Variants in MECOM observed in about 807,000 individuals in gnomAD.
MECOM encodes the protein histone-lysine N-methyltransferase MECOM.
Under a neutral mutation model 116.3 loss-of-function variants are expected in MECOM, and 13 were observed. The ratio of observed to expected loss-of-function variants is 0.11; its 90% CI spans 0.07 to 0.18. The LOEUF (loss-of-function observed/expected upper bound fraction) is 0.18. Among genes scored for constraint, MECOM ranks in the 10% least tolerant of loss-of-function variants. The pLI, the probability that MECOM is intolerant of heterozygous loss-of-function variation, is 1.00. For missense variants in MECOM, 1,299 were observed against 1,509.0 expected (o/e 0.86, Z 2.31); for synonymous variants, 528 against 535.2 (o/e 0.99, Z 0.19).
chr3:169,105,400 G>A (rs529580503), intron 10 of MECOM, among the ~76,000 whole-genome samples: 11 of 152,242 alleles, frequency 7.2e-5, no homozygotes, highest in South Asian at 2.1e-4. Flanking sequence ...TCTGAGTCAC[G>A]TGATGTTCCT....
chr3:169,237,546 C>T (rs1577428913), intron 2 of MECOM, among the ~76,000 whole-genome samples: 1 of 147,052 alleles, frequency 6.8e-6, no homozygotes, highest in Middle Eastern at 3.6e-3. Flanking sequence ...TCCCTCCCTA[C>T]TAGAATGCAT....
In MECOM at chr3:169,261,817, C is replaced by T. The variant is rs184986205; in HGVS notation, c.376-117985G>A. ...ATGTCAGTGATACAGTGCCCGTGGT[C>T]CTAACCACTTGCTGGGCAGTGCCCA... is the stretch of plus-strand genomic sequence containing the variant. On this transcript the variant is annotated intron_variant, in intron 2 of 16. Transcript: ENST00000651503. Among the ~76,000 whole-genome samples, 169 of 152,342 alleles carry T rather than the reference C, an allele frequency of 1.1e-3. 3 individuals are homozygous for T. The highest frequency in any genetic ancestry group is 3.9e-3 in the African/African-American group (161 of 41,580).
At chr3:169,460,789 C>A (rs1219477852) in intron 1 of MECOM, among the ~76,000 whole-genome samples, 1 of 151,918 alleles carries the variant, frequency 6.6e-6, no homozygotes, top group East Asian at 1.9e-4. Flanking sequence ...GTCAAGAGTG[C>A]AAAGAGGAAA....
rs149161481 is a variant in MECOM, at chr3:169,474,639, C to T, written c.38-93115G>A. Reference sequence around the variant, plus strand: ...TGTTAAAAGCAGGGTTTGAGGTTGGCAGCCCATGTTTTGTGTAATAACTGC... The same window carrying T: ...TGTTAAAAGCAGGGTTTGAGGTTGGTAGCCCATGTTTTGTGTAATAACTGC... On this transcript the variant is annotated intron_variant, in intron 1 of 16. Transcript: ENST00000651503. 3.3e-5 allele frequency among the ~76,000 whole-genome samples: 5 copies of T among 152,212 alleles called. No homozygotes were observed. The East Asian group carries it at 9.6e-4, about 29-fold the overall frequency.
In MECOM at chr3:169,488,401, C is replaced by G. The variant is rs1024157882; in HGVS notation, c.38-106877G>C. Among the ~76,000 whole-genome samples, 6 of 146,514 alleles carry G rather than the reference C, an allele frequency of 4.1e-5. No homozygotes were observed. The South Asian group carries it at 1.3e-3, about 32-fold the overall frequency. ...AAAAAAAAAAAAAAAAAAAAATTAG[C>G]CAGGTGTGGTGGCACACACCTGTAA... On this transcript the variant is annotated intron_variant, in intron 1 of 16. Coordinates refer to ENST00000651503, the MANE Select transcript of MECOM (RefSeq NM_004991.4).
At position 169,341,271 on chromosome 3, in the gene MECOM, G is replaced by T. The variant is rs562864309; in HGVS notation, c.375+39916C>A. Among the ~76,000 whole-genome samples, 3 of 152,138 alleles carry T rather than the reference G, an allele frequency of 2.0e-5. No homozygotes were observed. In the East Asian group the frequency reaches 5.8e-4, roughly 29 times the overall value. On this transcript the variant is annotated intron_variant, in intron 2 of 16. Coordinates refer to ENST00000651503, the MANE Select transcript of MECOM (RefSeq NM_004991.4). ...CATGGATGGAACTGGAGGTCATTATGTTAAGTGAAATAAGCCAGGCACAGA... is the reference window on the plus strand; with the variant it reads ...CATGGATGGAACTGGAGGTCATTATTTTAAGTGAAATAAGCCAGGCACAGA...
chr3:169,340,429 T>G (rs530038957), intron 2 of MECOM, among the ~76,000 whole-genome samples: 8 of 152,346 alleles, frequency 5.3e-5, no homozygotes, highest in African/African-American at 1.7e-4. Context: ...TTTCTACTTA[T>G]AGCTGCTGTG....
rs188004230 is a variant in MECOM, at chr3:169,310,223, C to T, written c.375+70964G>A. 4.2e-4 allele frequency among the ~76,000 whole-genome samples: 64 copies of T among 152,294 alleles called. 1 individual carries two copies. Among genetic ancestry groups the T allele is most frequent in the African/African-American group, 1.3e-3 (55 of 41,558 alleles). On this transcript the variant is annotated intron_variant, in intron 2 of 16. Transcript: ENST00000651503. ...AATTCTTTTTCACATTTCACATATT[C>T]GTACACATTCAACATCCAGTCCATA...
intron 2 of MECOM, among the ~76,000 whole-genome samples, chr3:169,283,054 T>G (rs1481096871): frequency 6.6e-6 from 1 of 152,156 alleles, no homozygotes; most frequent in Non-Finnish European, 1.5e-5. Context: ...CAAAAGAAGT[T>G]ATATGAGTTG....
chr3:169,626,221 C>T (rs1771351462), intron 1 of MECOM, among the ~76,000 whole-genome samples: 1 of 152,198 alleles, frequency 6.6e-6, no homozygotes, highest in Non-Finnish European at 1.5e-5. Flanking sequence ...AACTTATCCT[C>T]ACCCTCCTAA....
At chr3:169,235,051 T>C (rs1316844090) in intron 2 of MECOM, among the ~76,000 whole-genome samples, 1 of 152,208 alleles carries the variant, frequency 6.6e-6, no homozygotes, top group Non-Finnish European at 1.5e-5. Flanking sequence ...AAGGCAAAAC[T>C]TAGGAAAAAT....
chr3:169,441,276 C>T (rs1308832510), intron 1 of MECOM, among the ~76,000 whole-genome samples: 2 of 152,148 alleles, frequency 1.3e-5, no homozygotes, highest in African/African-American at 4.8e-5. Flanking sequence ...CGTTTCTGTG[C>T]TGTATGACAA....
chr3:169,093,327 G>A (rs964130522), intron 13 of MECOM, among the ~76,000 whole-genome samples: 2 of 152,144 alleles, frequency 1.3e-5, no homozygotes, highest in African/African-American at 2.4e-5. Flanking sequence ...ATGAAGTACA[G>A]TCTCGCAAAG....
chr3:169,426,149 A>G (rs1740642982), intron 1 of MECOM, among the ~76,000 whole-genome samples: 1 of 152,198 alleles, frequency 6.6e-6, no homozygotes, highest in Admixed American at 6.5e-5. Context: ...AGTTCTCCCT[A>G]CACGAAAATA....
intron 1 of MECOM, among the ~76,000 whole-genome samples, chr3:169,479,395 T>C (rs1005978649): frequency 6.6e-6 from 1 of 150,622 alleles, no homozygotes; most frequent in Non-Finnish European, 1.5e-5. Flanking sequence ...AAAGTTTGGG[T>C]TGGTGGAGGA....
At chr3:169,111,614 T>C (rs759320766) in intron 9 of MECOM, among the ~76,000 whole-genome samples, 1 of 152,136 alleles carries the variant, frequency 6.6e-6, no homozygotes, top group Non-Finnish European at 1.5e-5. Flanking sequence ...TCTTCCTATA[T>C]AAAATTAATA....
intron 1 of MECOM, chr3:169,477,105 GTA>G (rs1166256593): frequency 1.5e-3 from 92 of 59,548 alleles, no homozygotes; most frequent in Middle Eastern, 9.3e-3. Flanking sequence ...GTGTGTGTGT[GTA>G]TATATATATA....
chr3:169,437,432 G>A (rs1278344663), intron 1 of MECOM, among the ~76,000 whole-genome samples: 4 of 152,180 alleles, frequency 2.6e-5, no homozygotes, highest in African/African-American at 7.2e-5. Context: ...TTAGTCATAA[G>A]AAGAGAAAAG....
chr3:169,292,326 C>T (rs1053932254), intron 2 of MECOM, among the ~76,000 whole-genome samples: 3 of 151,846 alleles, frequency 2.0e-5, no homozygotes, highest in Admixed American at 6.6e-5. Context: ...GAGTGAGATG[C>T]CATCTCAAAA....
Sources: allele counts gnomAD v4.1 joint callset (sites outside exome capture counted in the v4.1 genomes callset), GRCh38; gene constraint gnomAD v4.1.1; transcripts MANE v1.5; gene names NCBI Gene and HGNC (gene_info 2026-07-23, HGNC 2026-07-21).